The following TJP1 variants were observed in gnomAD, a reference collection of about 807,000 sequenced individuals.
The protein encoded by TJP1 is tight junction protein 1, also known as tight junction protein ZO-1.
TJP1 carries 43 observed loss-of-function variants against 194.2 expected under a neutral mutation model. The ratio of observed to expected loss-of-function variants is 0.22; its 90% confidence interval spans 0.17 to 0.29. TJP1 has a LOEUF of 0.29. TJP1 is among the 10% of genes least tolerant of loss of function. TJP1 has a pLI of 1.00. For synonymous variants in TJP1, 801 were observed against 779.0 expected, an observed-to-expected ratio of 1.03 and a Z score of -0.47; for missense variants, 1,971 against 2,185.7, an observed-to-expected ratio of 0.90 and a Z score of 1.96.
At chr15:29,736,472 T>C (rs1398989739) in intron 11 of TJP1, among the ~76,000 whole-genome samples, 2 of 152,054 alleles carry the variant, frequency 1.3e-5, no homozygotes, top group African/African-American at 2.4e-5. Flanking sequence ...GGCAAAGACT[T>C]TGTGGTAGAG....
intron 8 of TJP1, chr15:29,758,872 TTAAAA>T (rs1481301601): frequency 7.2e-5 from 11 of 152,312 alleles, no homozygotes; most frequent in African/African-American, 1.9e-4. Flanking sequence ...CATTACATCC[TTAAAA>T]TAAACACCAG....
chr15:29,737,467 T>A, intron 10 of TJP1, 53 bp from the exon 11 acceptor site: 1 of 1,592,252 alleles, frequency 6.3e-7, no homozygotes, highest in African/African-American at 1.3e-5. Context: ...TAAAACGTTA[T>A]AGCAATCACT....
At chr15:29,827,731 T>C (rs1418020380) in intron 2 of TJP1, among the ~76,000 whole-genome samples, 1 of 152,204 alleles carries the variant, frequency 6.6e-6, no homozygotes, top group Admixed American at 6.5e-5. Context: ...CAAGTCAGGA[T>C]GGAAACCCTG....
chr15:29,887,447 G>A (rs1012646013), intron 2 of TJP1, among the ~76,000 whole-genome samples: 4 of 151,648 alleles, frequency 2.6e-5, no homozygotes, highest in African/African-American at 7.3e-5. Flanking sequence ...TTACAGGCAC[G>A]TGCCACCAAG....
At chr15:29,748,182 TACTC>T (rs1796449534) in intron 8 of TJP1, among the ~76,000 whole-genome samples, 1 of 152,234 alleles carries the variant, frequency 6.6e-6, no homozygotes, top group South Asian at 2.1e-4. Flanking sequence ...TAAATTTTAT[TACTC>T]AATGTATCTA....
At chr15:29,802,820 C>T (rs962811429) in intron 1 of TJP1, among the ~76,000 whole-genome samples, 5 of 152,164 alleles carry the variant, frequency 3.3e-5, no homozygotes, top group Admixed American at 6.5e-5. Context: ...CATTGTTTTA[C>T]TGCCTTTTTA....
intron 10 of TJP1, among the ~76,000 whole-genome samples, chr15:29,739,140 C>T (rs920492066): frequency 2.0e-5 from 3 of 152,130 alleles, no homozygotes; most frequent in Non-Finnish European, 4.4e-5. Context: ...AAAGCAAAAA[C>T]AACTGAGCAC....
At chr15:29,904,087 G>T (rs1404706213) in intron 2 of TJP1, among the ~76,000 whole-genome samples, 1 of 152,104 alleles carries the variant, frequency 6.6e-6, no homozygotes, top group Non-Finnish European at 1.5e-5. Flanking sequence ...TAAAATCCTG[G>T]ATCCATAGAT....
At position 29,727,096 on chromosome 15, in the gene TJP1, C is replaced by A. The variant is rs142481535; in HGVS notation, c.2101-105G>T. 1.4e-3 allele frequency: 1,390 copies of A among 1,014,928 alleles called. 16 individuals are homozygous for A. The African/African-American group carries it at 0.02, about 14-fold the overall frequency. 62.9% of individuals were successfully genotyped at this position (1,014,928 alleles called of 1,614,324 possible). A position where few individuals can be genotyped will look rare whatever the true frequency, so the allele number is the denominator to read the frequency against. On this transcript the variant is annotated intron_variant, in intron 16 of 27. Transcript: ENST00000614355. ...GCTCACGCTACGCCTATAATCCTAGCACTTTGGGAGGTCGAGGTGGGTGAA... is the reference window on the plus strand; with the variant it reads ...GCTCACGCTACGCCTATAATCCTAGAACTTTGGGAGGTCGAGGTGGGTGAA...
At chr15:29,840,127 T>C (rs1180903271) in intron 2 of TJP1, among the ~76,000 whole-genome samples, 1 of 152,228 alleles carries the variant, frequency 6.6e-6, no homozygotes, top group Non-Finnish European at 1.5e-5. Context: ...GGTCTTTATA[T>C]ATTTATGTGC....
intron 1 of TJP1, among the ~76,000 whole-genome samples, chr15:29,804,810 ATG>A (rs1179366707): frequency 2.0e-5 from 3 of 152,146 alleles, no homozygotes; most frequent in Non-Finnish European, 4.4e-5. Context: ...CAAGGGGAAA[ATG>A]TATTACTCCT....
At chr15:29,911,988 T>C (rs995343974) in intron 2 of TJP1, among the ~76,000 whole-genome samples, 1 of 152,198 alleles carries the variant, frequency 6.6e-6, no homozygotes, top group African/African-American at 2.4e-5. Context: ...TGGGCTGCTA[T>C]AACAAGATAC....
chr15:29,846,995 A>G (rs2152075517), intron 2 of TJP1, among the ~76,000 whole-genome samples: 1 of 152,332 alleles, frequency 6.6e-6, no homozygotes, highest in Admixed American at 6.5e-5. Context: ...ATACATATCA[A>G]TGCCTGATTC....
chr15:29,814,936 T>C (rs1228064794), intron 1 of TJP1, among the ~76,000 whole-genome samples: 1 of 152,244 alleles, frequency 6.6e-6, no homozygotes, highest in African/African-American at 2.4e-5. Context: ...GGTTTTGTTA[T>C]CACATTTCAA....
At chr15:29,856,764 G>C (rs1419739917) in intron 2 of TJP1, among the ~76,000 whole-genome samples, 1 of 151,738 alleles carries the variant, frequency 6.6e-6, no homozygotes, top group Non-Finnish European at 1.5e-5. Context: ...ACGAGGTCAG[G>C]AGATCGAGAC....
intron 2 of TJP1, among the ~76,000 whole-genome samples, chr15:29,916,240 C>CA (rs199907379): frequency 0.043 from 4,167 of 96,356 alleles, 230 homozygotes; most frequent in African/African-American, 0.12. Context: ...GACTCTGTCT[C>CA]AAAAAAAAAA....
chr15:29,761,995 T>C (rs956220436), intron 6 of TJP1, among the ~76,000 whole-genome samples: 2 of 151,116 alleles, frequency 1.3e-5, no homozygotes, highest in South Asian at 2.1e-4. Flanking sequence ...AACTCCTTCT[T>C]TGAGGCTGTC....
At chr15:29,751,949 G>A (rs2045310262) in intron 8 of TJP1, among the ~76,000 whole-genome samples, 1 of 151,962 alleles carries the variant, frequency 6.6e-6, no homozygotes, top group Admixed American at 6.6e-5. Flanking sequence ...TTTTGAGACA[G>A]GGCCTTGTTC....
At chr15:29,825,471 G>A (rs2050647400), upstream of TJP1, among the ~76,000 whole-genome samples, 1 of 152,122 alleles carries the variant, frequency 6.6e-6, no homozygotes, top group Non-Finnish European at 1.5e-5. Flanking sequence ...GGGATTTTTG[G>A]TGTCTGCGGC....
Sources: gnomAD v4.1 joint callset for allele counts (sites outside exome capture counted in the v4.1 genomes callset) on GRCh38, gnomAD v4.1.1 for gene constraint, MANE v1.5 for transcripts, NCBI Gene and HGNC (gene_info 2026-07-23, HGNC 2026-07-21) for gene names.